CNTNAP2: variants seen among roughly 807,000 people sequenced by gnomAD.
CNTNAP2 encodes contactin-associated protein-like 2.
In CNTNAP2, 98 loss-of-function variants were observed where a neutral mutation model predicts 155.2. The observed-to-expected ratio is 0.63, with a 90% CI of 0.54 to 0.75. CNTNAP2 has a LOEUF of 0.75. Ranked by LOEUF, CNTNAP2 falls within the 30% of genes least tolerant of loss-of-function variation. The pLI, the probability that CNTNAP2 is intolerant of heterozygous loss-of-function variation, is 0.00. For missense variants in CNTNAP2, 1,727 were observed against 1,688.1 expected, an observed-to-expected ratio of 1.02 and a Z score of -0.40; for synonymous variants, 651 against 631.2, an observed-to-expected ratio of 1.03 and a Z score of -0.47.
intron 15 of CNTNAP2, among the ~76,000 whole-genome samples, chr7:148,015,372 A>G (rs1316933495): frequency 6.6e-6 from 1 of 152,144 alleles, no homozygotes; most frequent in African/African-American, 2.4e-5. Flanking sequence ...AACTCAACAG[A>G]CAGGAAGCAA....
chr7:148,293,286 G>A (rs1186699424), intron 21 of CNTNAP2, among the ~76,000 whole-genome samples: 1 of 152,158 alleles, frequency 6.6e-6, no homozygotes, highest in Non-Finnish European at 1.5e-5. Context: ...AAAATCTGCA[G>A]TATTAAAGTT....
chr7:147,367,638 A>G (rs976817005), intron 9 of CNTNAP2, among the ~76,000 whole-genome samples: 2 of 152,116 alleles, frequency 1.3e-5, no homozygotes, highest in African/African-American at 4.8e-5. Context: ...CACTCAGCAA[A>G]TGGAAGAATT....
chr7:148,252,975 G>C (rs985310396), intron 20 of CNTNAP2, among the ~76,000 whole-genome samples: 1 of 151,648 alleles, frequency 6.6e-6, no homozygotes, highest in East Asian at 1.9e-4. Context: ...ATTTGGGGGT[G>C]ATCCTATGCC....
chr7:146,992,064 T>C (rs1439426566), intron 3 of CNTNAP2, among the ~76,000 whole-genome samples: 3 of 152,144 alleles, frequency 2.0e-5, no homozygotes, highest in African/African-American at 4.8e-5. Flanking sequence ...TACACACACA[T>C]CTCCCTTGGA....
chr7:147,970,144 A>G (rs965151107), intron 14 of CNTNAP2, among the ~76,000 whole-genome samples: 1 of 151,638 alleles, frequency 6.6e-6, no homozygotes, highest in Non-Finnish European at 1.5e-5. Flanking sequence ...TGCCCAAGAT[A>G]GTCTTGAATT....
chr7:146,550,365 A>G (rs1439995353), intron 1 of CNTNAP2, among the ~76,000 whole-genome samples: 2 of 145,572 alleles, frequency 1.4e-5, no homozygotes, highest in African/African-American at 2.6e-5. Context: ...TCAGAGTTAC[A>G]GAGTCTAACC....
intron 9 of CNTNAP2, among the ~76,000 whole-genome samples, chr7:147,368,700 A>C (rs754998298): frequency 4.6e-5 from 7 of 152,208 alleles, no homozygotes; most frequent in African/African-American, 7.2e-5. Context: ...GCATGTATCA[A>C]GGGCATTGTT....
At chr7:146,700,377 G>T (rs959389422) in intron 1 of CNTNAP2, among the ~76,000 whole-genome samples, 1 of 152,040 alleles carries the variant, frequency 6.6e-6, no homozygotes, top group African/African-American at 2.4e-5. Context: ...TTTTCTTATT[G>T]TGAGGACCAG....
intron 1 of CNTNAP2, among the ~76,000 whole-genome samples, chr7:146,155,125 A>G (rs1478098619): frequency 1.3e-5 from 2 of 152,232 alleles, no homozygotes. Flanking sequence ...AGCCTGAATA[A>G]TTTGTGAAAA....
chr7:146,759,259 G>A (rs1802044778), intron 1 of CNTNAP2, among the ~76,000 whole-genome samples: 1 of 152,010 alleles, frequency 6.6e-6, no homozygotes. Context: ...TTCTTTACTG[G>A]TGAAATACAG....
intron 3 of CNTNAP2, among the ~76,000 whole-genome samples, chr7:146,947,521 GTATGTA>G (rs1797206758): frequency 7.5e-6 from 1 of 133,236 alleles, no homozygotes; most frequent in Non-Finnish European, 1.6e-5. Context: ...TATATAGTGT[GTATGTA>G]TGTGTGTGTG....
At chr7:147,202,798 G>A (rs531879958) in intron 8 of CNTNAP2, among the ~76,000 whole-genome samples, 263 of 152,016 alleles carry the variant, frequency 1.7e-3, no homozygotes, top group Non-Finnish European at 3.3e-3. Context: ...GGCCTGTAGG[G>A]GGGTAGGGGG....
At chr7:146,489,548 C>CG (rs1444971250) in intron 1 of CNTNAP2, among the ~76,000 whole-genome samples, 2 of 152,112 alleles carry the variant, frequency 1.3e-5, no homozygotes, top group Non-Finnish European at 2.9e-5. Context: ...GGGACCTCCA[C>CG]GGCCAGTGAC....
At position 146,758,468 on chromosome 7, in the gene CNTNAP2, CT is replaced by C. The variant is rs201135662; in HGVS notation, c.98-15802del. ...TGCCGCTGTATTGGTGATTTTCATG[CT>C]GCTGATAAAGTCATACCAGAGACTG... On this transcript the variant is annotated intron_variant, in intron 1 of 23. Transcript: ENST00000361727. 5.5e-3 allele frequency among the ~76,000 whole-genome samples: 831 copies of C among 152,178 alleles called. 24 individuals are homozygous for C. In the East Asian group the frequency reaches 0.066, roughly 12 times the overall value.
In CNTNAP2 at chr7:148,416,877, T is replaced by TAATC; in HGVS notation, c.*1263_*1266dup. 1 of 152,424 alleles carries TAATC rather than the reference T, an allele frequency of 6.6e-6. No individual in the cohort carries two copies. The highest frequency in any genetic ancestry group is 1.9e-4 in the East Asian group (1 of 5,194). The allele number at this position is 152,424 out of a possible 1,614,324, so 9.4% of individuals were successfully genotyped here. On this transcript the variant is annotated 3_prime_UTR_variant, in exon 24 of 24. Transcript: ENST00000361727. Reference sequence around the variant, plus strand: ...TTCCCAGAGGATGGAGAAGTGTAGTTAATCACACCTCTTAGTTTAATCTGA... The same window carrying TAATC: ...TTCCCAGAGGATGGAGAAGTGTAGTTAATCAATCACACCTCTTAGTTTAATCTGA...
At chr7:147,437,169 T>C (rs1797563369) in intron 10 of CNTNAP2, among the ~76,000 whole-genome samples, 2 of 152,074 alleles carry the variant, frequency 1.3e-5, no homozygotes, top group African/African-American at 4.8e-5. Flanking sequence ...CCAGAGGGAT[T>C]GCTGATATAC....
chr7:146,599,834 TAA>T (rs1186235613), intron 1 of CNTNAP2, among the ~76,000 whole-genome samples: 4 of 87,294 alleles, frequency 4.6e-5, no homozygotes, highest in African/African-American at 2.7e-4. Flanking sequence ...GCCTAGAATA[TAA>T]GACACTAAAT....
rs181230545 is a variant in CNTNAP2 at position 146,705,818 on chromosome 7, G to A, written c.98-68453G>A. 5.3e-3 allele frequency among the ~76,000 whole-genome samples: 799 copies of A among 152,106 alleles called. 10 individuals are homozygous for A. The highest frequency in any genetic ancestry group is 0.018 in the African/African-American group (741 of 41,502). ...GATTCAATTATCTCCACCTGGCCTC[G>A]CACTTGACACATAGGGATTATTACA... On this transcript the variant is annotated intron_variant, in intron 1 of 23. Coordinates refer to ENST00000361727, the MANE Select transcript of CNTNAP2 (RefSeq NM_014141.6).
At chr7:148,050,236 C>T (rs916010370) in intron 15 of CNTNAP2, among the ~76,000 whole-genome samples, 1 of 152,170 alleles carries the variant, frequency 6.6e-6, no homozygotes, top group African/African-American at 2.4e-5. Context: ...GCATTGTTAC[C>T]ATAGGAGCTG....
Sources: allele counts gnomAD v4.1 joint callset (sites outside exome capture counted in the v4.1 genomes callset), GRCh38; gene constraint gnomAD v4.1.1; transcripts MANE v1.5; gene names NCBI Gene and HGNC (gene_info 2026-07-23, HGNC 2026-07-21).